The following KCNH7 variants were observed in gnomAD, a reference collection of about 807,000 sequenced individuals.
KCNH7 encodes voltage-gated inwardly rectifying potassium channel KCNH7.
KCNH7 carries 49 observed loss-of-function variants against 120.8 expected under a neutral mutation model. The ratio of observed to expected loss-of-function variants is 0.41; its 90% CI spans 0.32 to 0.51. The LOEUF (loss-of-function observed/expected upper bound fraction) is 0.51, where lower values mean the gene tolerates loss of function less well. Among genes scored for constraint, KCNH7 ranks in the 20% least tolerant of loss-of-function variants. The pLI is 0.38. For missense variants in KCNH7, 1,097 were observed against 1,446.6 expected, an observed-to-expected ratio of 0.76 and a Z score of 3.92; for synonymous variants, 547 against 516.1, an observed-to-expected ratio of 1.06 and a Z score of -0.81.
intron 13 of KCNH7, among the ~76,000 whole-genome samples, chr2:162,383,025 G>T (rs1253376336): frequency 6.6e-6 from 1 of 151,812 alleles, no homozygotes; most frequent in Non-Finnish European, 1.5e-5. Context: ...TGTGTTTATG[G>T]AAAAGCTAAT....
chr2:162,517,993 G>A lies in KCNH7; in HGVS notation c.629C>T (p.Pro210Leu). Residue 210 changes from proline (P) to leucine (L), a missense_variant, in exon 4 of 16, where the codon CCC becomes CTC. Coordinates refer to ENST00000332142, the MANE Select transcript of KCNH7 (RefSeq NM_033272.4). ...AGCTTTTGTGTCATCTGCTTCAGAGGGGCTGCAGCTTTCTTTTGTAGGAGA... is the reference window on the plus strand; with the variant it reads ...AGCTTTTGTGTCATCTGCTTCAGAGAGGCTGCAGCTTTCTTTTGTAGGAGA... ...FKSPTKESCS[P>L]SEADDTKALI... 2 of 1,612,418 alleles carry A rather than the reference G, an allele frequency of 1.2e-6. No individual in the cohort carries two copies. The highest frequency in any genetic ancestry group is 1.7e-6 in the Non-Finnish European group (2 of 1,178,906).
intron 2 of KCNH7, among the ~76,000 whole-genome samples, chr2:162,740,289 T>C (rs1688076730): frequency 2.0e-5 from 3 of 152,188 alleles, no homozygotes; most frequent in South Asian, 4.1e-4. Context: ...TGGAGCAATG[T>C]CCTAGTCTTA....
rs1254130532 is a variant in KCNH7 at position 162,536,863 on chromosome 2, A to C, written c.463+62T>G. The C allele has an allele frequency of 2.1e-6, 3 of 1,404,978 alleles. No individual in the cohort carries two copies. In the African/African-American group the frequency reaches 4.3e-5, roughly 20 times the overall value. The allele number at this position is 1,404,978 out of a possible 1,614,324, so 87.0% of individuals were successfully genotyped here. A position where few individuals can be genotyped will look rare whatever the true frequency, so the allele number is the denominator to read the frequency against. On this transcript the variant is annotated intron_variant, in intron 3 of 15. Coordinates refer to ENST00000332142, the MANE Select transcript of KCNH7 (RefSeq NM_033272.4). ...AGAACTGAATTGAAATGAAGACTGT[A>C]TTAAAGTGACTACAGTAGCAGAATT...
At chr2:162,692,474 A>G (rs1051194206) in intron 2 of KCNH7, among the ~76,000 whole-genome samples, 1 of 152,152 alleles carries the variant, frequency 6.6e-6, no homozygotes, top group Non-Finnish European at 1.5e-5. Flanking sequence ...TGCATCTGGA[A>G]TGTCAGTTAA....
intron 5 of KCNH7, among the ~76,000 whole-genome samples, chr2:162,510,746 C>T (rs1691043809): frequency 6.6e-6 from 1 of 151,470 alleles, no homozygotes; most frequent in Admixed American, 6.6e-5. Flanking sequence ...GGTATAGAAG[C>T]AAAGTCAAAA....
intron 2 of KCNH7, among the ~76,000 whole-genome samples, chr2:162,546,891 T>C (rs994718023): frequency 6.6e-6 from 1 of 151,386 alleles, no homozygotes; most frequent in Non-Finnish European, 1.5e-5. Flanking sequence ...TGTGATGGAG[T>C]GTCTGAAGAG....
chr2:162,807,937 C>T (rs1684607611), intron 2 of KCNH7, among the ~76,000 whole-genome samples: 3 of 152,202 alleles, frequency 2.0e-5, no homozygotes, highest in Admixed American at 1.3e-4. Context: ...CCACCTCGGC[C>T]TCCCAAAGTG....
intron 2 of KCNH7, among the ~76,000 whole-genome samples, chr2:162,589,032 T>C (rs1389336346): frequency 6.6e-6 from 1 of 152,036 alleles, no homozygotes; most frequent in African/African-American, 2.4e-5. Flanking sequence ...ATAATCTGGG[T>C]AGTTAAGGTG....
chr2:162,407,210 C>T (rs182527820), intron 9 of KCNH7, among the ~76,000 whole-genome samples: 157 of 152,012 alleles, frequency 1.0e-3, no homozygotes, highest in African/African-American at 3.7e-3. Context: ...CAACATTTGG[C>T]ATATGATTTA....
intron 2 of KCNH7, among the ~76,000 whole-genome samples, chr2:162,781,090 T>A (rs1298752565): frequency 6.6e-6 from 1 of 152,104 alleles, no homozygotes. Flanking sequence ...TTTTTAATTA[T>A]ATTTCTGAGG....
intron 12 of KCNH7, among the ~76,000 whole-genome samples, chr2:162,391,175 A>G (rs1198705368): frequency 6.6e-6 from 1 of 152,046 alleles, no homozygotes; most frequent in East Asian, 1.9e-4. Flanking sequence ...TTCCTTTCAT[A>G]TGAGCAATGA....
intron 2 of KCNH7, among the ~76,000 whole-genome samples, chr2:162,611,116 A>T (rs1682948439): frequency 6.6e-6 from 1 of 152,186 alleles, no homozygotes; most frequent in African/African-American, 2.4e-5. Context: ...AACCATTTTC[A>T]GACACACTTG....
intron 2 of KCNH7, among the ~76,000 whole-genome samples, chr2:162,808,203 G>C (rs1189884606): frequency 6.6e-6 from 1 of 152,120 alleles, no homozygotes; most frequent in Non-Finnish European, 1.5e-5. Flanking sequence ...GTAAATAGTT[G>C]TTACACTGTA....
intron 2 of KCNH7, among the ~76,000 whole-genome samples, chr2:162,752,365 CAT>C (rs1688581729): frequency 6.6e-6 from 1 of 152,116 alleles, no homozygotes; most frequent in Non-Finnish European, 1.5e-5. Context: ...GTTATTGATA[CAT>C]GTCATTTCTT....
intron 2 of KCNH7, among the ~76,000 whole-genome samples, chr2:162,545,162 G>A (rs905805349): frequency 3.9e-5 from 6 of 152,138 alleles, no homozygotes; most frequent in Admixed American, 3.9e-4. Context: ...GATATTACTG[G>A]AAAGGGCTTG....
At chr2:162,828,379 T>C (rs551628017) in intron 2 of KCNH7, among the ~76,000 whole-genome samples, 1 of 152,168 alleles carries the variant, frequency 6.6e-6, no homozygotes, top group East Asian at 1.9e-4. Context: ...AAGTCATTGA[T>C]ACAGACTTCA....
chr2:162,446,003 T>C lies in KCNH7; in HGVS notation c.1554+15A>G, dbSNP rs753817937. On this transcript the variant is annotated intron_variant, in intron 7 of 15. Coordinates refer to ENST00000332142, the MANE Select transcript of KCNH7 (RefSeq NM_033272.4). ...TGCAATCTTTCAGAAAATAAGAATC[T>C]TAAGCAGTTCTTACCTCATCAGAAC... 54 of 1,566,568 alleles carry C rather than the reference T, an allele frequency of 3.4e-5. No homozygotes were observed. Among genetic ancestry groups the C allele is most frequent in the Middle Eastern group, 3.4e-4 (2 of 5,838 alleles).
intron 2 of KCNH7, among the ~76,000 whole-genome samples, chr2:162,652,917 G>A (rs1013343086): frequency 4.6e-5 from 7 of 152,182 alleles, no homozygotes; most frequent in Admixed American, 3.9e-4. Context: ...TCTGAATCTG[G>A]ATAAAACCTT....
intron 6 of KCNH7, among the ~76,000 whole-genome samples, chr2:162,477,858 A>ATTCT: frequency 6.6e-6 from 1 of 151,826 alleles, no homozygotes; most frequent in South Asian, 2.1e-4. Context: ...CCATCCATCC[A>ATTCT]TTTGCCCACC....
Sources: allele counts gnomAD v4.1 joint callset (sites outside exome capture counted in the v4.1 genomes callset), GRCh38; gene constraint gnomAD v4.1.1; transcripts MANE v1.5; gene names NCBI Gene and HGNC (gene_info 2026-07-23, HGNC 2026-07-21).